The following PCSK2 variants were observed in gnomAD, a reference collection of about 807,000 sequenced individuals.
PCSK2 encodes neuroendocrine convertase 2.
PCSK2 carries 14 observed loss-of-function variants against 69.7 expected under a neutral mutation model. The ratio of observed to expected loss-of-function variants is 0.20; its 90% confidence interval spans 0.13 to 0.31. PCSK2 has a LOEUF of 0.31. Ranked by LOEUF, PCSK2 falls within the 10% of genes least tolerant of loss-of-function variation. The pLI is 1.00. For missense variants in PCSK2, 544 were observed against 842.5 expected, an observed-to-expected ratio of 0.65 and a Z score of 4.39; for synonymous variants, 307 against 320.7, an observed-to-expected ratio of 0.96 and a Z score of 0.46.
chr20:17,314,519 T>C (rs1284467556), intron 2 of PCSK2, among the ~76,000 whole-genome samples: 2 of 152,234 alleles, frequency 1.3e-5, no homozygotes, highest in Non-Finnish European at 2.9e-5. Flanking sequence ...TTACAGTTAC[T>C]GCCTTGGATG....
At chr20:17,327,442 G>C (rs1474358690) in intron 2 of PCSK2, among the ~76,000 whole-genome samples, 3 of 152,102 alleles carry the variant, frequency 2.0e-5, no homozygotes, top group Non-Finnish European at 2.9e-5. Context: ...TGAAGGCAGG[G>C]GCCAACATGA....
chr20:17,415,314 G>T (rs1223746884), intron 6 of PCSK2, among the ~76,000 whole-genome samples: 1 of 152,152 alleles, frequency 6.6e-6, no homozygotes, highest in African/African-American at 2.4e-5. Context: ...ATCTCCTTAA[G>T]CTGAGAAGCA....
rs2032868249 is a variant in PCSK2 at position 17,453,687 on chromosome 20, GC to G, written c.886-50del. The G allele has an allele frequency of 8.8e-6, 14 of 1,598,520 alleles. No individual in the cohort carries two copies. Among genetic ancestry groups the G allele is most frequent in the Middle Eastern group, 1.7e-4 (1 of 5,804 alleles). ...AACCCCTGGGCTGGAGACCTCCCCTGCCCCCTCGCAGCCCAGGCTGTGGGTA... is the reference window on the plus strand; with the variant it reads ...AACCCCTGGGCTGGAGACCTCCCCTGCCCCTCGCAGCCCAGGCTGTGGGTA... On this transcript the variant is annotated intron_variant, in intron 8 of 11. Coordinates refer to ENST00000262545, the MANE Select transcript of PCSK2 (RefSeq NM_002594.5). The surrounding 1 kb of genome is among the most constrained non-coding windows in gnomAD (Gnocchi z 4.0).
chr20:17,336,864 C>T (rs1197457655), intron 2 of PCSK2, among the ~76,000 whole-genome samples: 1 of 152,124 alleles, frequency 6.6e-6, no homozygotes, highest in Admixed American at 6.5e-5. Context: ...ATTTCGGAGG[C>T]TGGGGTCTGC....
intron 5 of PCSK2, among the ~76,000 whole-genome samples, chr20:17,391,906 G>GAGGAAGGAAGGAAAGA (rs2031384939): frequency 1.0e-5 from 1 of 99,966 alleles, no homozygotes; most frequent in Non-Finnish European, 2.0e-5. Context: ...GAAAGAGAGA[G>GAGGAAGGAAGGAAAGA]AGGAAGGAAG....
intron 2 of PCSK2, among the ~76,000 whole-genome samples, chr20:17,354,901 A>G (rs922962590): frequency 6.3e-5 from 8 of 126,732 alleles, no homozygotes; most frequent in Middle Eastern, 4.3e-3. Flanking sequence ...CATTGTGGGG[A>G]AAAAAAAAAG....
At position 17,303,450 on chromosome 20, in the gene PCSK2, T is replaced by TATATTATATATAATAAATATATA. The variant is rs1274453838; in HGVS notation, c.282+43106_282+43107insATATTATATATAATAAATATATA. ...TTTTTAATATATAATATAATATATA[T>TATATTATATATAATAAATATATA]TATATTAAATATAATATATATTATA... On this transcript the variant is annotated intron_variant, in intron 2 of 11. Coordinates refer to ENST00000262545, the MANE Select transcript of PCSK2 (RefSeq NM_002594.5). Among the ~76,000 whole-genome samples the TATATTATATATAATAAATATATA allele has an allele frequency of 1.7e-4, 12 of 70,328 alleles. No individual in the cohort carries two copies. The East Asian group carries it at 2.6e-3, about 15-fold the overall frequency. 46.1% of individuals were successfully genotyped at this position (70,328 alleles called of 152,430 possible). A position where few individuals can be genotyped will look rare whatever the true frequency, so the allele number is the denominator to read the frequency against.
At chr20:17,260,954 T>C (rs185364986) in intron 2 of PCSK2, among the ~76,000 whole-genome samples, 1 of 152,194 alleles carries the variant, frequency 6.6e-6, no homozygotes, top group African/African-American at 2.4e-5. Flanking sequence ...CTTCAGTCTT[T>C]ACCTTGCTCT....
At chr20:17,410,185 T>C (rs2031838812) in intron 6 of PCSK2, among the ~76,000 whole-genome samples, 1 of 152,210 alleles carries the variant, frequency 6.6e-6, no homozygotes, top group African/African-American at 2.4e-5. Context: ...GTTGTCATTT[T>C]TAGTTTAGTG....
At chr20:17,266,469 C>T (rs1015129044) in intron 2 of PCSK2, among the ~76,000 whole-genome samples, 32 of 152,212 alleles carry the variant, frequency 2.1e-4, no homozygotes, top group African/African-American at 7.7e-4. Flanking sequence ...CAGTTTCTAA[C>T]CCTTAAGGAG....
At chr20:17,319,491 T>G (rs549022906) in intron 2 of PCSK2, among the ~76,000 whole-genome samples, 1 of 152,248 alleles carries the variant, frequency 6.6e-6, no homozygotes, top group South Asian at 2.1e-4. Flanking sequence ...TCCAACAGAG[T>G]AGCCCAAGAT....
chr20:17,242,011 G>T (rs1986596191), intron 1 of PCSK2, among the ~76,000 whole-genome samples: 1 of 152,174 alleles, frequency 6.6e-6, no homozygotes, highest in South Asian at 2.1e-4. Flanking sequence ...CATTATCTGG[G>T]TGTCATTCTA....
intron 2 of PCSK2, among the ~76,000 whole-genome samples, chr20:17,308,783 G>A (rs1468420507): frequency 2.0e-5 from 3 of 152,070 alleles, no homozygotes; most frequent in African/African-American, 7.2e-5. Flanking sequence ...TTTCGTGGGA[G>A]CATTTGAACT....
intron 6 of PCSK2, among the ~76,000 whole-genome samples, chr20:17,413,128 G>T (rs139719290): frequency 7.3e-4 from 111 of 152,042 alleles, no homozygotes; most frequent in Admixed American, 5.1e-3. Flanking sequence ...ATCAACTAAC[G>T]GGCAAAATAA....
At chr20:17,347,872 AAAAGAAAGAAAG>A (rs201865268) in intron 2 of PCSK2, among the ~76,000 whole-genome samples, 1,498 of 88,822 alleles carry the variant, frequency 0.017, 92 homozygotes, top group African/African-American at 0.056. Flanking sequence ...GGAGAGAGAA[AAAAGAAAGAAAG>A]AAAGAAAGAA....
chr20:17,357,274 T>C (rs1259669681), intron 2 of PCSK2, among the ~76,000 whole-genome samples: 2 of 152,188 alleles, frequency 1.3e-5, no homozygotes, highest in Non-Finnish European at 2.9e-5. Flanking sequence ...AATTGAAATG[T>C]TGTCAGTGCA....
intron 5 of PCSK2, among the ~76,000 whole-genome samples, chr20:17,395,998 C>T (rs1020043543): frequency 2.0e-5 from 3 of 152,152 alleles, no homozygotes; most frequent in African/African-American, 7.2e-5. Context: ...TGGCCTCAAC[C>T]TCGCCAGCCA....
At chr20:17,406,483 G>C (rs978857676) in intron 5 of PCSK2, among the ~76,000 whole-genome samples, 4 of 152,110 alleles carry the variant, frequency 2.6e-5, no homozygotes, top group Admixed American at 2.0e-4. Context: ...ACATTCAGAG[G>C]CCAATTTGAC....
In PCSK2 at chr20:17,432,534, T is replaced by C. The variant is rs771232018; in HGVS notation, c.709+3011T>C. ...GAAAATGCCTTTATTCAAGTAACTG[T>C]CTTTTTTAAAAAGGACCCCATTCTT... On this transcript the variant is annotated intron_variant, in intron 7 of 11. Coordinates refer to ENST00000262545, the MANE Select transcript of PCSK2 (RefSeq NM_002594.5). Among the ~76,000 whole-genome samples the C allele has an allele frequency of 7.2e-4, 109 of 152,380 alleles. 2 individuals are homozygous for C. The highest frequency in any genetic ancestry group is 1.3e-3 in the Non-Finnish European group (87 of 68,036).
Sources: gnomAD v4.1 joint callset for allele counts (sites outside exome capture counted in the v4.1 genomes callset) on GRCh38, gnomAD v4.1.1 for gene constraint, Gnocchi (gnomAD v3.1) non-coding constraint, MANE v1.5 for transcripts, NCBI Gene and HGNC (gene_info 2026-07-23, HGNC 2026-07-21) for gene names.